The following SLCO5A1 variants were observed in gnomAD, a reference collection of about 807,000 sequenced individuals.
The protein encoded by SLCO5A1 is organic anion transporter polypeptide-related protein 4.
A neutral mutation model predicts 65.1 loss-of-function variants in SLCO5A1; 39 were observed. The observed-to-expected ratio is 0.60, with a 90% confidence interval of 0.46 to 0.78. The LOEUF (loss-of-function observed/expected upper bound fraction) is 0.78, where lower values mean the gene tolerates loss of function less well. Among genes scored for constraint, SLCO5A1 ranks in the 30% least tolerant of loss-of-function variants. The pLI, the probability that SLCO5A1 is intolerant of heterozygous loss-of-function variation, is 0.00. For synonymous variants in SLCO5A1, 438 were observed against 415.7 expected, an observed-to-expected ratio of 1.05 and a Z score of -0.65; for missense variants, 1,029 against 1,069.4, an observed-to-expected ratio of 0.96 and a Z score of 0.53.
intron 2 of SLCO5A1, among the ~76,000 whole-genome samples, chr8:69,798,126 C>T (rs1254920223): frequency 1.3e-5 from 2 of 152,138 alleles, no homozygotes; most frequent in African/African-American, 4.8e-5. Context: ...CATGAAATAT[C>T]GGGGGTGAAT....
chr8:69,714,482 C>T (rs1815424207), intron 5 of SLCO5A1, among the ~76,000 whole-genome samples: 1 of 152,158 alleles, frequency 6.6e-6, no homozygotes, highest in South Asian at 2.1e-4. Context: ...GGGGGGATAG[C>T]TCGCCTGGCT....
chr8:69,696,444 C>G (rs866486063), intron 6 of SLCO5A1, among the ~76,000 whole-genome samples: 4 of 152,202 alleles, frequency 2.6e-5, no homozygotes, highest in Non-Finnish European at 4.4e-5. Flanking sequence ...GGAGAAAAAA[C>G]TGTGGGCCTC....
intron 2 of SLCO5A1, among the ~76,000 whole-genome samples, chr8:69,817,494 T>G (rs1820454698): frequency 6.6e-6 from 1 of 152,230 alleles, no homozygotes; most frequent in Non-Finnish European, 1.5e-5. Flanking sequence ...TTATTTTGGA[T>G]CTATACCAGA....
intron 2 of SLCO5A1, chr8:69,773,012 A>T: frequency 1.0e-6 from 1 of 972,676 alleles, no homozygotes; most frequent in Non-Finnish European, 1.2e-6. Flanking sequence ...TTAGTTGGGG[A>T]GGGAGGACAG....
chr8:69,757,366 A>C (rs925257470), intron 3 of SLCO5A1, among the ~76,000 whole-genome samples: 2 of 152,174 alleles, frequency 1.3e-5, no homozygotes, highest in African/African-American at 2.4e-5. Context: ...TTAATTTTAA[A>C]AATGTCAGCT....
At chr8:69,692,173 C>T (rs543428941) in intron 6 of SLCO5A1, among the ~76,000 whole-genome samples, 15 of 152,248 alleles carry the variant, frequency 9.9e-5, no homozygotes, top group South Asian at 2.1e-4. Flanking sequence ...GGCATGAACC[C>T]GGGAGGCGGA....
intron 2 of SLCO5A1, among the ~76,000 whole-genome samples, chr8:69,803,447 G>A (rs946673265): frequency 1.5e-4 from 23 of 151,966 alleles, no homozygotes; most frequent in Non-Finnish European, 7.4e-5. Flanking sequence ...GCATGGTGCC[G>A]GGTTCCTGTA....
Position 69,671,717 on chromosome 8 carries a change from G to A in SLCO5A1, c.*1152C>T, listed in dbSNP as rs563474670. On this transcript the variant is annotated 3_prime_UTR_variant, in exon 10 of 10. Transcript: ENST00000260126. ...ATCTCTGATAAAGTAGGGTTCTTTC[G>A]GATGGACTGGTTTATTTTACATAAT... 6.6e-6 allele frequency: 1 copy of A among 152,248 alleles called. No homozygotes were observed. The highest frequency in any genetic ancestry group is 6.5e-5 in the Admixed American group (1 of 15,296). 9.4% of individuals were successfully genotyped at this position (152,248 alleles called of 1,614,324 possible).
chr8:69,690,147 G>A lies in SLCO5A1; in HGVS notation c.1623-7804C>T, dbSNP rs547338116. Among the ~76,000 whole-genome samples, 465 of 144,216 alleles carry A rather than the reference G, an allele frequency of 3.2e-3. 1 individual carries two copies. Among genetic ancestry groups the A allele is most frequent in the South Asian group, 0.014 (64 of 4,480 alleles). 94.6% of individuals were successfully genotyped at this position (144,216 alleles called of 152,430 possible). ...AAGCTCAACAGGGTCTTCTTTCCCC[G>A]CTGATTCCGCCAAGCCCGTTCCCTT... On this transcript the variant is annotated intron_variant, in intron 6 of 9. Coordinates refer to ENST00000260126, the MANE Select transcript of SLCO5A1 (RefSeq NM_030958.3).
chr8:69,797,090 G>A (rs1485854325), intron 2 of SLCO5A1, among the ~76,000 whole-genome samples: 6 of 152,164 alleles, frequency 3.9e-5, no homozygotes, highest in South Asian at 2.1e-4. Context: ...TGGAGGGACC[G>A]GCTGAAGCCA....
At chr8:69,768,983 C>A (rs1355220602) in intron 2 of SLCO5A1, among the ~76,000 whole-genome samples, 2 of 152,216 alleles carry the variant, frequency 1.3e-5, no homozygotes, top group Non-Finnish European at 2.9e-5. Flanking sequence ...CCACCCCGTT[C>A]ACTCAGTCGG....
intron 4 of SLCO5A1, among the ~76,000 whole-genome samples, chr8:69,742,872 C>T (rs767804554): frequency 7.8e-5 from 11 of 140,236 alleles, no homozygotes; most frequent in Middle Eastern, 8.5e-3. Flanking sequence ...GTGATCTCAG[C>T]TGACTGTAAC....
At chr8:69,831,649 T>A (rs890543200) in intron 2 of SLCO5A1, 118 bp downstream of exon 2, 1 of 1,128,662 alleles carries the variant, frequency 8.9e-7, no homozygotes, top group African/African-American at 1.6e-5. Flanking sequence ...TAAAATAAAG[T>A]GAACTTTAAT....
Position 69,771,472 on chromosome 8 carries a change from T to C in SLCO5A1, c.908-9597A>G, listed in dbSNP as rs145912861. Among the ~76,000 whole-genome samples, 786 of 152,348 alleles carry C rather than the reference T, an allele frequency of 5.2e-3. 6 individuals are homozygous for C. The highest frequency in any genetic ancestry group is 0.018 in the African/African-American group (749 of 41,564). On this transcript the variant is annotated intron_variant, in intron 2 of 9. Coordinates refer to ENST00000260126, the MANE Select transcript of SLCO5A1 (RefSeq NM_030958.3). ...ATTTATTTGTAGCAATTATCTTGAT[T>C]TTAGAACTTTAAACCTTTGTTATAT...
At chr8:69,742,969 G>C (rs1018554489) in intron 4 of SLCO5A1, among the ~76,000 whole-genome samples, 8 of 151,806 alleles carry the variant, frequency 5.3e-5, no homozygotes, top group African/African-American at 1.9e-4. Flanking sequence ...CCTGGCTAAT[G>C]TTTTATATTT....
At chr8:69,822,860 C>G (rs1820706581) in intron 2 of SLCO5A1, among the ~76,000 whole-genome samples, 1 of 152,212 alleles carries the variant, frequency 6.6e-6, no homozygotes, top group Non-Finnish European at 1.5e-5. Context: ...TTTTCCGGTG[C>G]TCTTTCTAAG....
At chr8:69,694,871 T>C (rs1196155510) in intron 6 of SLCO5A1, among the ~76,000 whole-genome samples, 1 of 152,216 alleles carries the variant, frequency 6.6e-6, no homozygotes, top group East Asian at 1.9e-4. Flanking sequence ...TTACTTGTTC[T>C]AGATTGAATA....
rs946449077 is a variant in SLCO5A1, at chr8:69,825,628, G to C, written c.907+6139C>G. Among the ~76,000 whole-genome samples, 3 of 152,192 alleles carry C rather than the reference G, an allele frequency of 2.0e-5. No homozygotes were observed. In the South Asian group the frequency reaches 6.2e-4, roughly 31 times the overall value. ...CAAACCACTGCTCAATGAAATAAAAGAGGACACAAACAAATGGAAGAACGT... is the reference window on the plus strand; with the variant it reads ...CAAACCACTGCTCAATGAAATAAAACAGGACACAAACAAATGGAAGAACGT... On this transcript the variant is annotated intron_variant, in intron 2 of 9. Coordinates refer to ENST00000260126, the MANE Select transcript of SLCO5A1 (RefSeq NM_030958.3).
intron 2 of SLCO5A1, among the ~76,000 whole-genome samples, chr8:69,822,787 T>C (rs557891619): frequency 2.0e-4 from 30 of 152,282 alleles, no homozygotes; most frequent in African/African-American, 7.0e-4. Flanking sequence ...AGCCAAGGGG[T>C]TTGTCTGAAG....
Sources: allele counts gnomAD v4.1 joint callset (sites outside exome capture counted in the v4.1 genomes callset), GRCh38; gene constraint gnomAD v4.1.1; transcripts MANE v1.5; gene names NCBI Gene and HGNC (gene_info 2026-07-23, HGNC 2026-07-21).